Variants in MAN2C1 observed in about 807,000 individuals in gnomAD.
MAN2C1 encodes mannosidase alpha class 2C member 1.
MAN2C1 carries 111 observed loss-of-function variants against 126.9 expected under a neutral mutation model. The observed-to-expected ratio is 0.87, with a 90% CI of 0.75 to 1.02. The LOEUF (loss-of-function observed/expected upper bound fraction) is 1.02, where lower values mean the gene tolerates loss of function less well. MAN2C1 is among the 50% of genes least tolerant of loss of function. The pLI is 0.00. For missense variants in MAN2C1, 1,363 were observed against 1,364.4 expected (o/e 1.00, Z 0.02); for synonymous variants, 567 against 561.5 (o/e 1.01, Z -0.14).
chr15:75,358,419 A>C (rs2072385486), intron 20 of MAN2C1, 43 bp downstream of exon 20: 6 of 1,612,976 alleles, frequency 3.7e-6, no homozygotes, highest in Non-Finnish European at 4.2e-6. Context: ...CCTCCTTACC[A>C]AGCACACTTG....
chr15:75,361,560 G>C lies in MAN2C1; in HGVS notation c.1218+44C>G. On this transcript the variant is annotated intron_variant, in intron 10 of 25. Coordinates refer to ENST00000267978, the MANE Select transcript of MAN2C1 (RefSeq NM_006715.4). The surrounding 1 kb of genome is among the most constrained non-coding windows in gnomAD (Gnocchi z 5.0). ...GGGGAGAGGCAAATGGGCCAGGCGG[G>C]ACTGAGGCCCACTCTGACCCTGACC... 1 of 1,481,618 alleles carries C rather than the reference G, an allele frequency of 6.7e-7. No homozygotes were observed. The allele number at this position is 1,481,618 out of a possible 1,614,324, so 91.8% of individuals were successfully genotyped here.
intron 21 of MAN2C1, among the ~76,000 whole-genome samples, chr15:75,357,558 C>T (rs919211029): frequency 7.2e-5 from 11 of 151,928 alleles, no homozygotes; most frequent in African/African-American, 1.9e-4. Context: ...CCGCCCACCT[C>T]GGCCTTCCAA....
chr15:75,366,115 T>TA (rs1389023717), intron 4 of MAN2C1: 1 of 316,542 alleles, frequency 3.2e-6, no homozygotes, highest in Admixed American at 4.7e-5. Context: ...GCTGAGATGT[T>TA]AATAATGTTC....
At position 75,356,485 on chromosome 15, in the gene MAN2C1, T is replaced by A; in HGVS notation, c.2738-36A>T. ...ACCAGGAAACAATGCTGGTGGAGAA[T>A]GGGGGCTACCCTCCCCTGTCCCTAG... is the stretch of plus-strand genomic sequence containing the variant. On this transcript the variant is annotated intron_variant, in intron 23 of 25. Coordinates refer to ENST00000267978, the MANE Select transcript of MAN2C1 (RefSeq NM_006715.4). This position sits in a 1 kb window ranked among gnomAD's most constrained non-coding sequence, Gnocchi z 5.8. 1 of 1,574,696 alleles carries A rather than the reference T, an allele frequency of 6.4e-7. No homozygotes were observed. Among genetic ancestry groups the A allele is most frequent in the Non-Finnish European group, 8.6e-7 (1 of 1,162,132 alleles).
intron 6 of MAN2C1, chr15:75,363,387 C>G (rs892513352): frequency 2.2e-6 from 1 of 446,876 alleles, no homozygotes; most frequent in African/African-American, 2.0e-5. Context: ...GTAAGTACCT[C>G]TCCTGTGCTC....
chr15:75,367,877 G>T, intron 2 of MAN2C1, 196 bp downstream of exon 2: 1 of 913,530 alleles, frequency 1.1e-6, no homozygotes, highest in Non-Finnish European at 1.6e-6. Flanking sequence ...GCGGCCACGT[G>T]GGAATGAAAA....
rs2072296808 is a variant in MAN2C1, at chr15:75,356,322, G to GACC, written c.2862_2864dup (p.Val956dup). ...TTGCCTGCTTGACGGTCTCCAATACGACCGCGGGTGAAGACACGGAAAACG... is the reference window on the plus strand; with the variant it reads ...TTGCCTGCTTGACGGTCTCCAATACGACCACCGCGGGTGAAGACACGGAAAACG... On this transcript the variant is annotated inframe_insertion, in exon 24 of 26. Coordinates refer to ENST00000267978, the MANE Select transcript of MAN2C1 (RefSeq NM_006715.4). The surrounding 1 kb of genome is among the most constrained non-coding windows in gnomAD (Gnocchi z 5.8). 1 of 1,612,214 alleles carries GACC rather than the reference G, an allele frequency of 6.2e-7. No homozygotes were observed. The highest frequency in any genetic ancestry group is 1.3e-5 in the African/African-American group (1 of 74,832).
In MAN2C1 at chr15:75,361,302, T is replaced by G. The variant is rs1364238303; in HGVS notation, c.1298A>C (p.Gln433Pro). The change falls in exon 11 of 26, where the codon CAG becomes CCG. Residue 433 changes from glutamine to proline, a missense_variant. Gln to Pro is a moderately conservative substitution (Grantham distance 76, BLOSUM62 -1). Transcript: ENST00000267978. This position sits in a 1 kb window ranked among gnomAD's most constrained non-coding sequence, Gnocchi z 5.0. Reference sequence around the variant, plus strand: ...ACCCCTCACCTCCTCCACGCTGCCCTGCATCCCATAGGAGTCGCCAGGTGG... The same window carrying G: ...ACCCCTCACCTCCTCCACGCTGCCCGGCATCCCATAGGAGTCGCCAGGTGG... The part of the protein sequence containing the change: ...HFPPGDSYGM[Q>P]GSVEEVLKTV... The G allele has an allele frequency of 3.2e-6, 5 of 1,570,360 alleles. No individual in the cohort carries two copies. In the Admixed American group the frequency reaches 9.6e-5, roughly 30 times the overall value.
rs1304516500 is a variant in MAN2C1 at position 75,356,716 on chromosome 15, C to G, written c.2658-31G>C. ...GTGAGGAGGGCGCGTAGGGGCCACG[C>G]TGAAGCTGTTGGAGTTGTGGTCGGG... On this transcript the variant is annotated intron_variant, in intron 22 of 25. Transcript: ENST00000267978. The surrounding 1 kb of genome is among the most constrained non-coding windows in gnomAD (Gnocchi z 5.8). 6.2e-7 allele frequency: 1 copy of G among 1,611,800 alleles called. No individual in the cohort carries two copies. The highest frequency in any genetic ancestry group is 8.5e-7 in the Non-Finnish European group (1 of 1,178,988).
chr15:75,364,814 T>A, intron 4 of MAN2C1, 149 bp from the exon 5 acceptor site: 6 of 619,708 alleles, frequency 9.7e-6, no homozygotes, highest in Non-Finnish European at 1.6e-5. Context: ...GTGACAAGAG[T>A]GCATGTGGGA....
chr15:75,367,210 G>A (rs577578963), intron 3 of MAN2C1, among the ~76,000 whole-genome samples: 52 of 152,214 alleles, frequency 3.4e-4, no homozygotes, highest in African/African-American at 1.2e-3. Context: ...TAAGGGTGGA[G>A]CATGAATAAG....
Position 75,360,324 on chromosome 15 carries a change from A to C in MAN2C1, c.1585-113T>G, listed in dbSNP as rs2072441048. ...GGACTCACCAAGGGCCTCGTGGAGA[A>C]GGCCTCTGGCGGGTGACCTGCCTTA... On this transcript the variant is annotated intron_variant, in intron 13 of 25. Transcript: ENST00000267978. 3 of 1,475,632 alleles carry C rather than the reference A, an allele frequency of 2.0e-6. No individual in the cohort carries two copies. The African/African-American group carries it at 4.2e-5, about 20-fold the overall frequency. 91.4% of individuals were successfully genotyped at this position (1,475,632 alleles called of 1,614,324 possible).
At chr15:75,364,782 A>T (rs975800048) in intron 4 of MAN2C1, 117 bp from the exon 5 acceptor site, 7 of 866,084 alleles carry the variant, frequency 8.1e-6, no homozygotes, top group Non-Finnish European at 1.2e-5. Flanking sequence ...TCCAGGATCC[A>T]CTACCCAGAG....
At position 75,362,841 on chromosome 15, in the gene MAN2C1, C is replaced by T. The variant is rs2072503345; in HGVS notation, c.791-93G>A. 2.9e-6 allele frequency: 3 copies of T among 1,042,300 alleles called. No individual in the cohort carries two copies. Among genetic ancestry groups the T allele is most frequent in the Non-Finnish European group, 4.4e-6 (3 of 682,416 alleles). The allele number at this position is 1,042,300 out of a possible 1,614,324, so 64.6% of individuals were successfully genotyped here. ...GAGGGTCACCTAGCCCCCCTCCCAT[C>T]CCAGGCCCTTCACCCTGGAAAGCCC... On this transcript the variant is annotated intron_variant, in intron 6 of 25. Coordinates refer to ENST00000267978, the MANE Select transcript of MAN2C1 (RefSeq NM_006715.4). This position sits in a 1 kb window ranked among gnomAD's most constrained non-coding sequence, Gnocchi z 4.5.
At position 75,364,001 on chromosome 15, in the gene MAN2C1, G is replaced by A. The variant is rs775364376; in HGVS notation, c.788C>T (p.Thr263Ile). 1.1e-5 allele frequency: 17 copies of A among 1,614,054 alleles called. No homozygotes were observed. Among genetic ancestry groups the A allele is most frequent in the Middle Eastern group, 1.7e-4 (1 of 6,060 alleles). Residue 263 changes from threonine to isoleucine, a missense_variant and splice_region_variant, in exon 6 of 26, where the codon ACA becomes ATA. By Grantham distance (89) the Thr-to-Ile change is moderately conservative. This residue lies in a region of MAN2C1 where 628 missense variants were observed against 609.8 expected (regional missense o/e 1.03). Transcript: ENST00000267978. ...AGCCCAACCAGCTGCTGTCCTACCT[G>A]TATCAATGTGGCAGTGCCCTGTGGC... ...IHATGHCHID[T>I]AWLWPFKETV...
chr15:75,367,817 C>T (rs1297672347), intron 2 of MAN2C1, 183 bp from the exon 3 acceptor site: 2 of 899,436 alleles, frequency 2.2e-6, no homozygotes, highest in African/African-American at 1.7e-5. Flanking sequence ...CAGGCAGAGG[C>T]GTCAAAGGTT....
At chr15:75,360,053 G>T in intron 14 of MAN2C1, 37 bp downstream of exon 14, 1 of 1,614,018 alleles carries the variant, frequency 6.2e-7, no homozygotes, top group Non-Finnish European at 8.5e-7. Flanking sequence ...ACTGCAGTGA[G>T]CAGTCAGGTG....
At position 75,361,649 on chromosome 15, in the gene MAN2C1, G is replaced by A. The variant is rs763820598; in HGVS notation, c.1173C>T (p.Arg391=). ...PQIMHGCGIR[R]FLTQKLSWNL... is the part of the protein sequence containing the mutation. ...TCCAGCTCAATTTCTGGGTGAGAAA[G>A]CGCCTGATGCCACAGCCGTGCATGA... The change falls in exon 10 of 26, where the codon CGC becomes CGT. Residue 391 remains arginine (R), a synonymous_variant. Coordinates refer to ENST00000267978, the MANE Select transcript of MAN2C1 (RefSeq NM_006715.4). This position sits in a 1 kb window ranked among gnomAD's most constrained non-coding sequence, Gnocchi z 5.0. 1 of 1,614,038 alleles carries A rather than the reference G, an allele frequency of 6.2e-7. No homozygotes were observed. Among genetic ancestry groups the A allele is most frequent in the Non-Finnish European group, 8.5e-7 (1 of 1,180,016 alleles).
At chr15:75,363,491 T>C (rs960377831) in intron 6 of MAN2C1, among the ~76,000 whole-genome samples, 4 of 152,100 alleles carry the variant, frequency 2.6e-5, no homozygotes, top group African/African-American at 7.2e-5. Flanking sequence ...ATGGGCCCCA[T>C]GAGGCATCAG....
Sources: gnomAD v4.1 joint callset for allele counts (sites outside exome capture counted in the v4.1 genomes callset) on GRCh38, gnomAD v4.1.1 for gene constraint, gnomAD v4.1.1 regional missense constraint, Gnocchi (gnomAD v3.1) non-coding constraint, MANE v1.5 for transcripts, NCBI Gene and HGNC (gene_info 2026-07-23, HGNC 2026-07-21) for gene names.